Variants in CLRN1 observed in about 807,000 individuals in gnomAD.
CLRN1 encodes clarin-1.
CLRN1 carries 15 observed loss-of-function variants against 18.7 expected under a neutral mutation model. The ratio of observed to expected loss-of-function variants is 0.80; its 90% CI spans 0.54 to 1.23. The LOEUF is 1.23. Among genes scored for constraint, CLRN1 ranks in the 50% most tolerant of loss-of-function variants. The probability of loss-of-function intolerance (pLI) is 0.00; values close to 1 mark genes in which losing one functional copy is unlikely to be tolerated. For missense variants in CLRN1, 311 were observed against 277.5 expected (o/e 1.12, Z -0.86); for synonymous variants, 104 against 102.9 (o/e 1.01, Z -0.07).
chr3:150,969,981 T>TA (rs1171559598), intron 1 of CLRN1, among the ~76,000 whole-genome samples: 7 of 152,150 alleles, frequency 4.6e-5, no homozygotes, highest in Non-Finnish European at 1.0e-4. Context: ...CCATTCCTCT[T>TA]ACACTGGTAA....
intron 2 of CLRN1, among the ~76,000 whole-genome samples, chr3:150,934,755 A>T (rs1025420366): frequency 6.6e-6 from 1 of 152,140 alleles, no homozygotes; most frequent in African/African-American, 2.4e-5. Context: ...AATTGCTTCT[A>T]TACTCAGCTC....
At chr3:150,961,238 C>T (rs528527013) in intron 1 of CLRN1, among the ~76,000 whole-genome samples, 1 of 152,172 alleles carries the variant, frequency 6.6e-6, no homozygotes, top group South Asian at 2.1e-4. Flanking sequence ...CTTGGCCTCA[C>T]CTGTCTTGGC....
intron 2 of CLRN1, among the ~76,000 whole-genome samples, chr3:150,932,792 T>C (rs1245486290): frequency 6.6e-6 from 1 of 152,212 alleles, no homozygotes; most frequent in African/African-American, 2.4e-5. Context: ...GACCGATGGC[T>C]ACCATCTAAA....
chr3:150,944,983 A>C (rs1050890501), intron 1 of CLRN1, among the ~76,000 whole-genome samples: 31 of 152,158 alleles, frequency 2.0e-4, no homozygotes, highest in African/African-American at 7.2e-4. Flanking sequence ...CAGGGAGAAG[A>C]CTGGGGTGTT....
chr3:150,946,634 A>T (rs1156843610), intron 1 of CLRN1, among the ~76,000 whole-genome samples: 1 of 151,890 alleles, frequency 6.6e-6, no homozygotes, highest in Non-Finnish European at 1.5e-5. Context: ...GAAATTTAAG[A>T]GACATATTAA....
chr3:150,943,812 A>C (rs1215347993), intron 1 of CLRN1: 1 of 1,613,962 alleles, frequency 6.2e-7, no homozygotes, highest in African/African-American at 1.3e-5. Flanking sequence ...GGTTGCAGGC[A>C]CCCCTACCTG....
rs745936236 is a variant in CLRN1, at chr3:150,972,430, A to G, written c.253+26T>C. The G allele has an allele frequency of 5.6e-6, 9 of 1,614,212 alleles. No individual in the cohort carries two copies. In the South Asian group the frequency reaches 9.9e-5, roughly 18 times the overall value. On this transcript the variant is annotated intron_variant, in intron 1 of 2. Coordinates refer to ENST00000327047, the MANE Select transcript of CLRN1 (RefSeq NM_174878.3). ...GGGAAGAGTCTGCCTAAAGCATTAAATAACTCAAATGCAATTGCTACTTAC... is the reference window on the plus strand; with the variant it reads ...GGGAAGAGTCTGCCTAAAGCATTAAGTAACTCAAATGCAATTGCTACTTAC...
intron 2 of CLRN1, among the ~76,000 whole-genome samples, chr3:150,930,615 A>G (rs1487043017): frequency 6.6e-6 from 1 of 152,106 alleles, no homozygotes; most frequent in Non-Finnish European, 1.5e-5. Flanking sequence ...TTATTGTTAG[A>G]TCCTAACAAA....
intron 2 of CLRN1, chr3:150,940,565 G>T (rs1713758166): frequency 1.3e-6 from 2 of 1,518,836 alleles, no homozygotes; most frequent in Non-Finnish European, 8.8e-7. Flanking sequence ...TCATTACATT[G>T]TTTGCTTTGT....
Position 150,927,661 on chromosome 3 carries a change from TATATATA to T in CLRN1, c.*268_*274del. The T allele has an allele frequency of 1.9e-6, 1 of 518,378 alleles. No individual in the cohort carries two copies. The highest frequency in any genetic ancestry group is 3.6e-6 in the Non-Finnish European group (1 of 277,134). 32.1% of individuals were successfully genotyped at this position (518,378 alleles called of 1,614,324 possible). On this transcript the variant is annotated 3_prime_UTR_variant, in exon 3 of 3. Transcript: ENST00000327047. ...ACACACACACACACACACACACACA[TATATATA>T]TATGGAGTAACAATTTGTCGATTCT... is the stretch of plus-strand genomic sequence containing the variant.
chr3:150,953,679 A>G (rs893223032), intron 1 of CLRN1, among the ~76,000 whole-genome samples: 2 of 152,004 alleles, frequency 1.3e-5, no homozygotes, highest in African/African-American at 4.8e-5. Context: ...CACCAAGCCC[A>G]GCTAATTTTT....
At chr3:150,949,409 A>C (rs1270870740) in intron 1 of CLRN1, among the ~76,000 whole-genome samples, 2 of 152,190 alleles carry the variant, frequency 1.3e-5, no homozygotes, top group African/African-American at 4.8e-5. Flanking sequence ...GAAGAGAGGA[A>C]GTCAAACTAA....
chr3:150,948,483 C>CAAAAAAAAAA (rs55846714), intron 1 of CLRN1, among the ~76,000 whole-genome samples: 1 of 54,374 alleles, frequency 1.8e-5, no homozygotes, highest in African/African-American at 9.6e-5. Context: ...GACTCCGTCT[C>CAAAAAAAAAA]AAAAAAAAAA....
chr3:150,928,308 G>T (rs2107928343), intron 2 of CLRN1, 107 bp from the exon 3 acceptor site: 1 of 1,348,250 alleles, frequency 7.4e-7, no homozygotes, highest in Non-Finnish European at 1.0e-6. Context: ...CATCCCCATT[G>T]ACATTATCCA....
At chr3:150,972,424 C>T (rs1349575852) in intron 1 of CLRN1, 32 bp downstream of exon 1, 1 of 1,614,098 alleles carries the variant, frequency 6.2e-7, no homozygotes, top group Non-Finnish European at 8.5e-7. Context: ...CTGCCTAAAG[C>T]ATTAAATAAC....
intron 2 of CLRN1, among the ~76,000 whole-genome samples, chr3:150,930,594 G>A (rs1458950578): frequency 3.3e-5 from 5 of 152,142 alleles, no homozygotes; most frequent in African/African-American, 7.2e-5. Context: ...TGGCAAAACC[G>A]TATTATTTCT....
At chr3:150,958,007 T>G (rs1272768608) in intron 1 of CLRN1, among the ~76,000 whole-genome samples, 1 of 152,184 alleles carries the variant, frequency 6.6e-6, no homozygotes, top group Non-Finnish European at 1.5e-5. Context: ...AATCTCATCT[T>G]CAGTTATGGT....
chr3:150,967,871 T>C (rs1715341283), intron 1 of CLRN1, among the ~76,000 whole-genome samples: 1 of 152,200 alleles, frequency 6.6e-6, no homozygotes. Flanking sequence ...AGAAGCCACC[T>C]GCTTGCTCAC....
At chr3:150,966,446 G>T (rs1482528463) in intron 1 of CLRN1, among the ~76,000 whole-genome samples, 1 of 152,166 alleles carries the variant, frequency 6.6e-6, no homozygotes, top group Non-Finnish European at 1.5e-5. Flanking sequence ...GGAGTTTCTT[G>T]GAAAAACAGA....
Sources: gnomAD v4.1 joint callset for allele counts (sites outside exome capture counted in the v4.1 genomes callset) on GRCh38, gnomAD v4.1.1 for gene constraint, MANE v1.5 for transcripts, NCBI Gene and HGNC (gene_info 2026-07-23, HGNC 2026-07-21) for gene names.